Variants in TTN observed in about 807,000 individuals in gnomAD.
TTN encodes the protein titin, also known as connectin.
TTN carries 1,525 observed loss-of-function variants against 3,223.0 expected under a neutral mutation model. The observed-to-expected ratio is 0.47, with a 90% CI of 0.45 to 0.49. TTN has a LOEUF of 0.49. Ranked by LOEUF, TTN falls within the 20% of genes least tolerant of loss-of-function variation. The pLI is 0.00. For missense variants in TTN, 40,786 were observed against 43,424.0 expected, an observed-to-expected ratio of 0.94 and a Z score of 5.40; for synonymous variants, 14,094 against 15,161.0, an observed-to-expected ratio of 0.93 and a Z score of 5.17.
In TTN at chr2:178,692,033, G is replaced by A. The variant is rs202027546; in HGVS notation, c.31745C>T (p.Pro10582Leu). 6.2e-7 allele frequency: 1 copy of A among 1,612,688 alleles called. No homozygotes were observed. Among genetic ancestry groups the A allele is most frequent in the South Asian group, 1.1e-5 (1 of 90,902 alleles). Residue 10582 changes from proline (P) to leucine (L), a missense_variant, in exon 121 of 363, where the codon CCT becomes CTT. Physicochemically the swap from Pro to Leu is moderately conservative, Grantham distance 98 (BLOSUM62 -3). Coordinates refer to ENST00000589042, the MANE Select transcript of TTN (RefSeq NM_001267550.2). ...KKPVPVPKKE[P>L]AAPPKVPEVP... The stretch of plus-strand genomic sequence containing the variant: ...TGGCGTACCTTTTGGGGGAGCAGCA[G>A]GTTCCTTCTTAGGCACAGGAACTGG...
chr2:178,642,883 A>G lies in TTN; in HGVS notation c.40478-566T>C, dbSNP rs573757103. ...AATAATGCTGGATAAAATATTTAAA[A>G]TTATAGAATTATAAAATTTCAAAGC... On this transcript the variant is annotated intron_variant, in intron 218 of 362. Transcript: ENST00000589042. Among the ~76,000 whole-genome samples, 60 of 152,136 alleles carry G rather than the reference A, an allele frequency of 3.9e-4. 1 individual carries two copies. In the South Asian group the frequency reaches 0.012, roughly 32 times the overall value.
Position 178,776,566 on chromosome 2 carries a change from A to T in TTN, c.5298T>A (p.Val1766=), listed in dbSNP as rs1197807865. 3.1e-6 allele frequency: 5 copies of T among 1,613,206 alleles called. No homozygotes were observed. The highest frequency in any genetic ancestry group is 4.2e-6 in the Non-Finnish European group (5 of 1,180,014). Residue 1766 remains valine, a synonymous_variant, in exon 28 of 363, where the codon GTT becomes GTA. Transcript: ENST00000589042. ...TGATACCACTGTCTCTAGAATATGC[A>T]ACGCCATAATCAAGGCTGCAGTACC... ...EFGYCSLDYG[V]AYSRDSGIIT...
In TTN at chr2:178,739,741, C is replaced by T; in HGVS notation, c.13492G>A (p.Gly4498Arg). ...LTAEGPRIQQ[G>R]AKTSLQEEMD... ...TCTTCTTGCAAACTTGTTTTGGCTC[C>T]TTGCTGAATTCTAGGACCCTCAGCT... The change falls in exon 48 of 363, where the codon GGA becomes AGA. Residue 4498 changes from glycine (G) to arginine (R), a missense_variant. Transcript: ENST00000589042. 4 of 1,613,878 alleles carry T rather than the reference C, an allele frequency of 2.5e-6. No individual in the cohort carries two copies. Among genetic ancestry groups the T allele is most frequent in the Non-Finnish European group, 3.4e-6 (4 of 1,179,836 alleles).
Position 178,773,159 on chromosome 2 carries a change from T to C in TTN, c.7805A>G (p.Tyr2602Cys). The C allele has an allele frequency of 6.2e-7, 1 of 1,613,888 alleles. No homozygotes were observed. Residue 2602 changes from tyrosine (Y) to cysteine (C), a missense_variant, in exon 33 of 363, where the codon TAC becomes TGC. Physicochemically the swap from Tyr to Cys is radical, Grantham distance 194 (BLOSUM62 -2). Transcript: ENST00000589042. ...CATATTTTCTCCCGCGTAAAATGTG[T>C]ATTTTCCTTCATCATCTTTCATCAT... The part of the protein sequence containing the change: ...LNMMKDDEGK[Y>C]TFYAGENMTS...
intron 12 of TTN, 30 bp from the exon 13 acceptor site, chr2:178,789,527 G>A (rs1385890742): frequency 3.1e-6 from 5 of 1,612,104 alleles, no homozygotes; most frequent in Non-Finnish European, 4.2e-6. Flanking sequence ...CAAGATTTAA[G>A]TTGAACAGGG....
chr2:178,753,192 A>G lies in TTN; in HGVS notation c.11255-12T>C. On this transcript the variant is annotated splice_polypyrimidine_tract_variant and intron_variant, in intron 46 of 362. Transcript: ENST00000589042. Reference sequence around the variant, plus strand: ...AATTGATTCAGGAGCTAAAATAGAAAAACATATAAAGAGATTTTAGTGATT... The same window carrying G: ...AATTGATTCAGGAGCTAAAATAGAAGAACATATAAAGAGATTTTAGTGATT... 6.3e-7 allele frequency: 1 copy of G among 1,598,746 alleles called. No individual in the cohort carries two copies. The highest frequency in any genetic ancestry group is 8.6e-7 in the Non-Finnish European group (1 of 1,168,464).
chr2:178,727,042 GAGA>G, intron 69 of TTN, 45 bp downstream of exon 69: 1 of 1,406,114 alleles, frequency 7.1e-7, no homozygotes, highest in Non-Finnish European at 9.3e-7. Flanking sequence ...ATACCCAGGG[GAGA>G]AGGTGGTTTT....
chr2:178,542,378 T>C lies in TTN; in HGVS notation c.97378A>G (p.Lys32460Glu), dbSNP rs965156924. The change falls in exon 349 of 363, where the codon AAG becomes GAG. Residue 32460 changes from lysine to glutamate, a missense_variant. Transcript: ENST00000589042. ...TTTCCTTCGGTGAGTCTGGTAAACTTAAACGTGGACCTAGTCACTGATTCA... is the reference window on the plus strand; with the variant it reads ...TTTCCTTCGGTGAGTCTGGTAAACTCAAACGTGGACCTAGTCACTGATTCA... ...VSESVTRSTFKFTRLTEGNEY... is the reference protein window; with the variant it reads ...VSESVTRSTFEFTRLTEGNEY... 7 of 1,613,534 alleles carry C rather than the reference T, an allele frequency of 4.3e-6. No individual in the cohort carries two copies. In the African/African-American group the frequency reaches 9.3e-5, roughly 22 times the overall value.
intron 318 of TTN, 28 bp downstream of exon 318, chr2:178,579,911 A>G (rs761153498): frequency 5.6e-6 from 9 of 1,612,430 alleles, no homozygotes; most frequent in Non-Finnish European, 1.7e-6. Context: ...ATAACTCAAA[A>G]TGATGGGATG....
chr2:178,782,991 G>A lies in TTN; in HGVS notation c.2915C>T (p.Pro972Leu), dbSNP rs540920622. 4.3e-6 allele frequency: 7 copies of A among 1,614,066 alleles called. No homozygotes were observed. Among genetic ancestry groups the A allele is most frequent in the African/African-American group, 1.3e-5 (1 of 75,024 alleles). The change falls in exon 18 of 363, where the codon CCG (proline) becomes CTG (leucine). Residue 972 changes from proline to leucine, a missense_variant. Coordinates refer to ENST00000589042, the MANE Select transcript of TTN (RefSeq NM_001267550.2). ...GTCTTCCCTGTACCATGTCACTGTC[G>A]GGGATGGGTATCCAGAGATGTGGCA... ...LECHISGYPS[P>L]TVTWYREDYQ...
chr2:178,613,650 T>C, intron 263 of TTN, 101 bp downstream of exon 263: 1 of 1,248,996 alleles, frequency 8.0e-7, no homozygotes, highest in Non-Finnish European at 1.1e-6. Context: ...GTTTAAAATT[T>C]TTTTAGTAAT....
At chr2:178,666,615 G>T (rs896480935) in intron 163 of TTN, among the ~76,000 whole-genome samples, 1 of 152,106 alleles carries the variant, frequency 6.6e-6, no homozygotes, top group Admixed American at 6.6e-5. Flanking sequence ...TCTTTCATGT[G>T]TATAAGCTAA....
rs1575348383 is a variant in TTN at position 178,539,032 on chromosome 2, T to C, written c.98903A>G (p.Tyr32968Cys). 1 of 1,613,798 alleles carries C rather than the reference T, an allele frequency of 6.2e-7. No homozygotes were observed. The highest frequency in any genetic ancestry group is 8.5e-7 in the Non-Finnish European group (1 of 1,179,740). The change falls in exon 353 of 363, where the codon TAT (tyrosine) becomes TGT (cysteine). Residue 32968 changes from tyrosine to cysteine, a missense_variant. Tyr to Cys is a radical substitution (Grantham distance 194). Transcript: ENST00000589042. Reference protein sequence around the residue: ...TVTGLVPDAEYQFRIIAQNDV... With the variant: ...TVTGLVPDAECQFRIIAQNDV... Reference sequence around the variant, plus strand: ...ATTCTGTGCGATGATGCGGAACTGATACTCAGCATCGGGAACAAGCCCTGT... The same window carrying C: ...ATTCTGTGCGATGATGCGGAACTGACACTCAGCATCGGGAACAAGCCCTGT...
In TTN at chr2:178,702,090, A is replaced by G. The variant is rs771326599; in HGVS notation, c.30512-24T>C. 3 of 1,612,164 alleles carry G rather than the reference A, an allele frequency of 1.9e-6. No homozygotes were observed. The Admixed American group carries it at 5.0e-5, about 27-fold the overall frequency. Reference sequence around the variant, plus strand: ...TTCTGCAAAATAAAAAAAAAATGATATTTTTGTGTTCAGAATGGTATAGGT... The same window carrying G: ...TTCTGCAAAATAAAAAAAAAATGATGTTTTTGTGTTCAGAATGGTATAGGT... On this transcript the variant is annotated intron_variant, in intron 108 of 362. Transcript: ENST00000589042.
Position 178,537,182 on chromosome 2 carries a change from C to A in TTN, c.99927G>T (p.Val33309=). 1 of 1,613,602 alleles carries A rather than the reference C, an allele frequency of 6.2e-7. No individual in the cohort carries two copies. Among genetic ancestry groups the A allele is most frequent in the Non-Finnish European group, 8.5e-7 (1 of 1,179,700 alleles). ...CATCTGCGGGTGGTTTCCAGCTGAT[C>A]ACTGCGGAGTTCTTCAATAGAGCTT... ...VIEALLKNSA[V]ISWKPPADDG... is the part of the protein sequence containing the mutation. Residue 33309 remains valine, a synonymous_variant, in exon 356 of 363, where the codon GTG becomes GTT. Transcript: ENST00000589042.
Position 178,734,329 on chromosome 2 carries a change from T to G in TTN, c.15495A>C (p.Lys5165Asn), listed in dbSNP as rs794729608. ...GACATTAGTTTTTCAAGCACTAACC[T>G]TTGAGTAAGTGGGTTGCCATGCAGC... ...KCGCMATHLLKEPPTFVKKVD... is the reference protein window; with the variant it reads ...KCGCMATHLLNEPPTFVKKVD... Residue 5165 changes from lysine to asparagine, a missense_variant and splice_region_variant, in exon 52 of 363, where the codon AAA (lysine) becomes AAC (asparagine). Coordinates refer to ENST00000589042, the MANE Select transcript of TTN (RefSeq NM_001267550.2). The G allele has an allele frequency of 3.8e-6, 6 of 1,588,540 alleles. No individual in the cohort carries two copies. The highest frequency in any genetic ancestry group is 4.5e-5 in the East Asian group (2 of 44,468).
chr2:178,609,141 C>T, intron 273 of TTN, 67 bp downstream of exon 273: 1 of 1,426,088 alleles, frequency 7.0e-7, no homozygotes, highest in Non-Finnish European at 9.1e-7. Context: ...AACTCTCTCC[C>T]AAACTTTTTA....
chr2:178,689,142 G>T lies in TTN; in HGVS notation c.32012-6C>A, dbSNP rs1267943731. Reference sequence around the variant, plus strand: ...TTTCTTAGGCAGAGCTGGCACTTTAGAGACATTATGCACTTTTAGAAATTT... The same window carrying T: ...TTTCTTAGGCAGAGCTGGCACTTTATAGACATTATGCACTTTTAGAAATTT... On this transcript the variant is annotated splice_polypyrimidine_tract_variant and splice_region_variant and intron_variant, in intron 124 of 362. Transcript: ENST00000589042. 6.2e-7 allele frequency: 1 copy of T among 1,601,056 alleles called. No homozygotes were observed. Among genetic ancestry groups the T allele is most frequent in the Non-Finnish European group, 8.5e-7 (1 of 1,176,534 alleles).
In TTN at chr2:178,800,674, C is replaced by T. The variant is rs752812697; in HGVS notation, c.304G>A (p.Ala102Thr). The change falls in exon 4 of 363, where the codon GCA becomes ACA. Residue 102 changes from alanine to threonine, a missense_variant. Physicochemically the swap from Ala to Thr is moderately conservative, Grantham distance 58. Transcript: ENST00000589042. Reference protein sequence around the residue: ...TAELLVKAETAPPNFVQRLQS... With the variant: ...TAELLVKAETTPPNFVQRLQS... ...AGTCGTTGAACGAAGTTGGGTGGTG[C>T]TGTCTCAGCTGCGGGGACAAGAGAA... 4 of 1,607,226 alleles carry T rather than the reference C, an allele frequency of 2.5e-6. No individual in the cohort carries two copies. The highest frequency in any genetic ancestry group is 2.5e-6 in the Non-Finnish European group (3 of 1,176,624).
Sources: gnomAD v4.1 joint callset for allele counts (sites outside exome capture counted in the v4.1 genomes callset) on GRCh38, gnomAD v4.1.1 for gene constraint, MANE v1.5 for transcripts, NCBI Gene and HGNC (gene_info 2026-07-23, HGNC 2026-07-21) for gene names.